The following P2RX1 variants were observed in gnomAD, a reference collection of about 807,000 sequenced individuals.
P2RX1 encodes P2X purinoceptor 1.
Under a neutral mutation model 50.3 loss-of-function variants are expected in P2RX1, and 42 were observed. The observed-to-expected ratio is 0.83, with a 90% CI of 0.65 to 1.08. The LOEUF (loss-of-function observed/expected upper bound fraction) is 1.08. Among genes scored for constraint, P2RX1 ranks in the 50% least tolerant of loss-of-function variants. The pLI is 0.00. For synonymous variants in P2RX1, 199 were observed against 202.6 expected, an observed-to-expected ratio of 0.98 and a Z score of 0.15; for missense variants, 449 against 529.0, an observed-to-expected ratio of 0.85 and a Z score of 1.48.
chr17:3,904,700 T>C (rs2056226081), intron 3 of P2RX1, 158 bp downstream of exon 3: 2 of 668,734 alleles, frequency 3.0e-6, no homozygotes, highest in Non-Finnish European at 5.4e-6. Context: ...TCTGCAAGGG[T>C]TGACAGTTGC....
Position 3,904,590 on chromosome 17 carries a change from T to A in P2RX1, c.358-191A>T, listed in dbSNP as rs974749215. ...TCTGCCGAGGCGCCCCCCGGGCTCA[T>A]GCCCAGCTGCCCACTGCCAATGTCA... On this transcript the variant is annotated intron_variant, in intron 3 of 11. Coordinates refer to ENST00000225538, the MANE Select transcript of P2RX1 (RefSeq NM_002558.4). 9.3e-6 allele frequency: 6 copies of A among 642,130 alleles called. No homozygotes were observed. In the East Asian group the frequency reaches 1.6e-4, roughly 18 times the overall value. The allele number at this position is 642,130 out of a possible 1,614,324, so 39.8% of individuals were successfully genotyped here.
intron 1 of P2RX1, among the ~76,000 whole-genome samples, chr17:3,913,540 C>T (rs933783820): frequency 5.3e-5 from 8 of 152,208 alleles, no homozygotes; most frequent in South Asian, 2.1e-4. Flanking sequence ...GCATGACTGG[C>T]GGAGACCATG....
intron 1 of P2RX1, 84 bp from the exon 2 acceptor site, chr17:3,905,451 T>C: frequency 2.0e-6 from 3 of 1,499,342 alleles, no homozygotes; most frequent in South Asian, 2.3e-5. Context: ...TCCCCAGATG[T>C]GCCTCTGAGC....
At position 3,899,090 on chromosome 17, in the gene P2RX1, C is replaced by T. The variant is rs557685559; in HGVS notation, c.876-66G>A. ...ACTGTCTTGGGTCTGGAGTTCTTAG[C>T]GCATCAGGGATACAGGAGATTTAGT... On this transcript the variant is annotated intron_variant, in intron 8 of 11. Transcript: ENST00000225538. 2.2e-3 allele frequency: 2,433 copies of T among 1,099,602 alleles called. 27 individuals are homozygous for T. Among genetic ancestry groups the T allele is most frequent in the South Asian group, 0.013 (1,085 of 80,598 alleles). The allele number at this position is 1,099,602 out of a possible 1,614,324, so 68.1% of individuals were successfully genotyped here.
chr17:3,914,653 C>T lies in P2RX1; in HGVS notation c.137+1436G>A, dbSNP rs1460068349. The stretch of plus-strand genomic sequence containing the variant: ...GGGTGGACTTCCGGCCCGTCCTGTA[C>T]CTGGCATCCCACCATCAGTGCCCAG... On this transcript the variant is annotated intron_variant, in intron 1 of 11. Transcript: ENST00000225538. The surrounding 1 kb of genome is among the most constrained non-coding windows in gnomAD (Gnocchi z 4.1). Among the ~76,000 whole-genome samples, 4 of 152,138 alleles carry T rather than the reference C, an allele frequency of 2.6e-5. No individual in the cohort carries two copies. The highest frequency in any genetic ancestry group is 5.9e-5 in the Non-Finnish European group (4 of 68,030).
rs200488831 is a variant in P2RX1, at chr17:3,898,950, A to T, written c.950T>A (p.Ile317Asn). Residue 317 changes from isoleucine to asparagine, a missense_variant, in exon 9 of 12, where the codon ATC becomes AAC. Ile to Asn is a moderately radical substitution (Grantham distance 149). Transcript: ENST00000225538. Reference sequence around the variant, plus strand: ...GACACTCACCTTGCCGTCCACCAGGATGTCAAAGCGAATCCCAAACACCTT... The same window carrying T: ...GACACTCACCTTGCCGTCCACCAGGTTGTCAAAGCGAATCCCAAACACCTT... ...LFKVFGIRFD[I>N]LVDGKAGKFD... 11 of 1,613,644 alleles carry T rather than the reference A, an allele frequency of 6.8e-6. No homozygotes were observed. Among genetic ancestry groups the T allele is most frequent in the East Asian group, 4.5e-5 (2 of 44,818 alleles).
At chr17:3,904,113 A>T in intron 4 of P2RX1, 89 bp from the exon 5 acceptor site, 1 of 1,171,254 alleles carries the variant, frequency 8.5e-7, no homozygotes, top group Non-Finnish European at 1.3e-6. Flanking sequence ...GTGACGGGCC[A>T]CTCAAGCAAA....
chr17:3,903,712 G>T lies in P2RX1; in HGVS notation c.525-81C>A, dbSNP rs1289733788. The T allele has an allele frequency of 1.3e-6, 2 of 1,482,002 alleles. No homozygotes were observed. The highest frequency in any genetic ancestry group is 9.4e-7 in the Non-Finnish European group (1 of 1,064,994). The allele number at this position is 1,482,002 out of a possible 1,614,324, so 91.8% of individuals were successfully genotyped here. A position where few individuals can be genotyped will look rare whatever the true frequency, so the allele number is the denominator to read the frequency against. On this transcript the variant is annotated intron_variant, in intron 5 of 11. Transcript: ENST00000225538. The surrounding 1 kb of genome is among the most constrained non-coding windows in gnomAD (Gnocchi z 4.6). ...CACACAGAGCTTGGCACAGCAGGGG[G>T]TGGGCCGAGCCTCCGGGACCCGCCT...
At chr17:3,900,357 G>C (rs1313236067) in intron 7 of P2RX1, among the ~76,000 whole-genome samples, 1 of 151,800 alleles carries the variant, frequency 6.6e-6, no homozygotes, top group Non-Finnish European at 1.5e-5. Flanking sequence ...GGGAGGCTGA[G>C]GCAGGAGAAT....
At chr17:3,909,673 G>A (rs1395288721) in intron 1 of P2RX1, among the ~76,000 whole-genome samples, 2 of 152,084 alleles carry the variant, frequency 1.3e-5, no homozygotes, top group Non-Finnish European at 2.9e-5. Context: ...ATAGTAACAC[G>A]CTGTCTCTAC....
intron 1 of P2RX1, among the ~76,000 whole-genome samples, chr17:3,913,974 C>A (rs1315625520): frequency 6.6e-6 from 1 of 152,170 alleles, no homozygotes; most frequent in Non-Finnish European, 1.5e-5. Context: ...GCTGTGGGTT[C>A]CTGGCTGAGA....
chr17:3,907,935 C>T (rs901065295), intron 1 of P2RX1, among the ~76,000 whole-genome samples: 7 of 152,244 alleles, frequency 4.6e-5, no homozygotes, highest in Admixed American at 2.0e-4. Context: ...ACTGACCTCC[C>T]TCTCGGCACC....
chr17:3,908,568 A>T (rs376547011), intron 1 of P2RX1, among the ~76,000 whole-genome samples: 3 of 152,322 alleles, frequency 2.0e-5, no homozygotes, highest in East Asian at 1.9e-4. Flanking sequence ...TCTCAAAAAA[A>T]CAAAAAATAA....
rs1015998399 is a variant in P2RX1, at chr17:3,896,882, C to T, written c.*932G>A. 1 of 152,270 alleles carries T rather than the reference C, an allele frequency of 6.6e-6. No individual in the cohort carries two copies. Among genetic ancestry groups the T allele is most frequent in the Admixed American group, 6.5e-5 (1 of 15,274 alleles). 9.4% of individuals were successfully genotyped at this position (152,270 alleles called of 1,614,324 possible). On this transcript the variant is annotated 3_prime_UTR_variant, in exon 12 of 12. Transcript: ENST00000225538. ...GTGTAGATGGTTGTGTTTGCAGGGC[C>T]CAAGCTGTTCACATACACAGTGTGG...
chr17:3,899,907 T>G (rs545639068), intron 7 of P2RX1, 146 bp from the exon 8 acceptor site: 1 of 981,116 alleles, frequency 1.0e-6, no homozygotes, highest in East Asian at 2.7e-5. Flanking sequence ...TCAAGACCAG[T>G]CTGGTCAACA....
intron 3 of P2RX1, chr17:3,904,620 G>A (rs565163455): frequency 1.4e-4 from 89 of 629,986 alleles, no homozygotes; most frequent in Non-Finnish European, 2.3e-4. Flanking sequence ...ATGTCAGCTG[G>A]GCGGTGGGGG....
At chr17:3,913,722 G>T (rs1194981503) in intron 1 of P2RX1, among the ~76,000 whole-genome samples, 2 of 152,184 alleles carry the variant, frequency 1.3e-5, no homozygotes, top group Non-Finnish European at 2.9e-5. Flanking sequence ...CCCCACCCAG[G>T]CTTTGCCCTG....
At chr17:3,909,043 T>C (rs2056317294) in intron 1 of P2RX1, among the ~76,000 whole-genome samples, 1 of 152,128 alleles carries the variant, frequency 6.6e-6, no homozygotes, top group African/African-American at 2.4e-5. Flanking sequence ...GAGTTCTTTT[T>C]TTTTTGAGAT....
chr17:3,916,215 C>T lies in P2RX1; in HGVS notation c.11G>A (p.Arg4Gln), dbSNP rs558236308. The T allele has an allele frequency of 3.9e-5, 63 of 1,613,090 alleles. 2 individuals are homozygous for T. The South Asian group carries it at 4.8e-4, about 12-fold the overall frequency. Residue 4 changes from arginine (R) to glutamine (Q), a missense_variant, in exon 1 of 12, where the codon CGG becomes CAG. Coordinates refer to ENST00000225538, the MANE Select transcript of P2RX1 (RefSeq NM_002558.4). MAR[R>Q]FQEELAAFLF... The stretch of plus-strand genomic sequence containing the variant: ...GAAGGCGGCCAGCTCCTCCTGGAAC[C>T]GCCGTGCCATGGTGGGCCGGCTGGG...
Sources: allele counts gnomAD v4.1 joint callset (sites outside exome capture counted in the v4.1 genomes callset), GRCh38; gene constraint gnomAD v4.1.1; non-coding constraint Gnocchi (gnomAD v3.1); transcripts MANE v1.5; gene names NCBI Gene and HGNC (gene_info 2026-07-23, HGNC 2026-07-21).